The following ADGRL2 variants were observed in gnomAD, a reference collection of about 807,000 sequenced individuals.
The protein encoded by ADGRL2 is calcium-independent alpha-latrotoxin receptor 2.
Under a neutral mutation model 157.4 loss-of-function variants are expected in ADGRL2, and 44 were observed. The observed-to-expected ratio is 0.28, with a 90% CI of 0.22 to 0.36. The LOEUF (loss-of-function observed/expected upper bound fraction) is 0.36. ADGRL2 is among the 10% of genes least tolerant of loss of function. ADGRL2 has a pLI of 1.00. For synonymous variants in ADGRL2, 585 were observed against 624.7 expected (o/e 0.94, Z 0.95); for missense variants, 1,510 against 1,768.9 (o/e 0.85, Z 2.63).
intron 3 of ADGRL2, among the ~76,000 whole-genome samples, chr1:81,601,016 A>G (rs1285862790): frequency 6.6e-6 from 1 of 152,198 alleles, no homozygotes; most frequent in Non-Finnish European, 1.5e-5. Flanking sequence ...ACACTCAAGT[A>G]ATGAGTGTGC....
intron 3 of ADGRL2, among the ~76,000 whole-genome samples, chr1:81,613,720 A>G (rs2081588377): frequency 6.6e-6 from 1 of 152,252 alleles, no homozygotes; most frequent in South Asian, 2.1e-4. Context: ...TGATGGGGAT[A>G]AACAGGGTGA....
At chr1:81,403,282 T>A (rs2076792868) in intron 1 of ADGRL2, among the ~76,000 whole-genome samples, 1 of 152,038 alleles carries the variant, frequency 6.6e-6, no homozygotes, top group South Asian at 2.1e-4. Context: ...TTTTTGTTTT[T>A]GAGACAGAGT....
intron 2 of ADGRL2, among the ~76,000 whole-genome samples, chr1:81,893,181 C>T (rs1175900224): frequency 6.6e-6 from 1 of 152,118 alleles, no homozygotes; most frequent in African/African-American, 2.4e-5. Context: ...CTACATAGTC[C>T]TTAGTCATGA....
At chr1:81,503,282 A>G in intron 2 of ADGRL2, 1 of 1,614,194 alleles carries the variant, frequency 6.2e-7, no homozygotes. Flanking sequence ...ATGTCTGTGG[A>G]CATCGATGGC....
intron 2 of ADGRL2, among the ~76,000 whole-genome samples, chr1:81,511,289 C>T (rs965721538): frequency 6.6e-6 from 1 of 151,194 alleles, no homozygotes; most frequent in African/African-American, 2.4e-5. Context: ...ACCTGTAGTC[C>T]CAGCTACTTG....
intron 1 of ADGRL2, among the ~76,000 whole-genome samples, chr1:81,439,081 TA>T (rs1296923083): frequency 1.3e-5 from 2 of 152,154 alleles, no homozygotes; most frequent in Admixed American, 6.5e-5. Context: ...TGTCAAAGTG[TA>T]AAAAAATTAT....
intron 2 of ADGRL2, among the ~76,000 whole-genome samples, chr1:81,860,147 C>T (rs2093344987): frequency 6.6e-6 from 1 of 152,024 alleles, no homozygotes. Context: ...TCACTTGAAC[C>T]TGGGAGGCAG....
intron 1 of ADGRL2, among the ~76,000 whole-genome samples, chr1:81,748,467 C>CAAAAAAAAAAAAAAAAAAAAAAA (rs973818702): frequency 3.3e-4 from 14 of 42,386 alleles, no homozygotes; most frequent in South Asian, 2.2e-3. Context: ...GATTCCGTCT[C>CAAAAAAAAAAAAAAAAAAAAAAA]AAAAAAAAAA....
At chr1:81,644,252 A>T (rs1434558668) in intron 3 of ADGRL2, among the ~76,000 whole-genome samples, 1 of 152,216 alleles carries the variant, frequency 6.6e-6, no homozygotes, top group Non-Finnish European at 1.5e-5. Context: ...TGTAAACCAC[A>T]AAAGTATAAA....
intron 3 of ADGRL2, chr1:81,586,516 T>C (rs1302918490): frequency 6.6e-6 from 1 of 152,176 alleles, no homozygotes; most frequent in Non-Finnish European, 1.5e-5. Context: ...GGATCACTAA[T>C]ACAACTTTTA....
chr1:81,713,191 G>T (rs1335624123), intron 1 of ADGRL2, among the ~76,000 whole-genome samples: 1 of 152,272 alleles, frequency 6.6e-6, no homozygotes, highest in Non-Finnish European at 1.5e-5. Flanking sequence ...TCTTCCTGGA[G>T]CATCCAAGAG....
At chr1:81,404,800 A>G (rs1288029739) in intron 1 of ADGRL2, among the ~76,000 whole-genome samples, 1 of 152,030 alleles carries the variant, frequency 6.6e-6, no homozygotes, top group Non-Finnish European at 1.5e-5. Context: ...CAAAATCATC[A>G]TTTCTGTCTC....
At chr1:81,738,277 C>T (rs2084967021) in intron 1 of ADGRL2, among the ~76,000 whole-genome samples, 1 of 152,162 alleles carries the variant, frequency 6.6e-6, no homozygotes, top group Admixed American at 6.5e-5. Flanking sequence ...GGAAGAACGG[C>T]AGATTCTCTG....
intron 2 of ADGRL2, chr1:81,514,953 G>A (rs2079147387): frequency 6.6e-6 from 1 of 152,108 alleles, no homozygotes; most frequent in East Asian, 1.9e-4. Context: ...AGAAAAACAA[G>A]GACACATATT....
chr1:81,635,912 T>C (rs1391758110), intron 3 of ADGRL2, among the ~76,000 whole-genome samples: 1 of 152,232 alleles, frequency 6.6e-6, no homozygotes, highest in Non-Finnish European at 1.5e-5. Flanking sequence ...CTAAAAGTTA[T>C]CTGATTTATC....
intron 1 of ADGRL2, among the ~76,000 whole-genome samples, chr1:81,746,037 A>G (rs2085235302): frequency 2.2e-5 from 3 of 136,152 alleles, no homozygotes; most frequent in Admixed American, 1.4e-4. Context: ...AATAAAATAT[A>G]ACATAATGCA....
At chr1:81,990,346 A>G (rs772855244) in intron 23 of ADGRL2, 45 bp from the exon 24 acceptor site, 11 of 1,567,874 alleles carry the variant, frequency 7.0e-6, no homozygotes, top group African/African-American at 1.4e-5. Flanking sequence ...GTTTCTGTGG[A>G]AAGGAACAGA....
chr1:81,330,477 C>T (rs1404280553), intron 1 of ADGRL2, among the ~76,000 whole-genome samples: 1 of 152,160 alleles, frequency 6.6e-6, no homozygotes, highest in African/African-American at 2.4e-5. Flanking sequence ...TCTCTAACTA[C>T]AATCCAAAAA....
intron 2 of ADGRL2, among the ~76,000 whole-genome samples, chr1:81,780,910 T>A (rs1222178258): frequency 6.6e-6 from 1 of 152,188 alleles, no homozygotes; most frequent in Non-Finnish European, 1.5e-5. Flanking sequence ...GTGGTAATCC[T>A]TGTTCTGTTA....
Sources: gnomAD v4.1 joint callset for allele counts (sites outside exome capture counted in the v4.1 genomes callset) on GRCh38, gnomAD v4.1.1 for gene constraint, MANE v1.5 for transcripts, NCBI Gene and HGNC (gene_info 2026-07-23, HGNC 2026-07-21) for gene names.